CSGALNACT2: variants seen among roughly 807,000 people sequenced by gnomAD.
CSGALNACT2 encodes chondroitin sulfate N-acetylgalactosaminyltransferase 2, also known as beta 4 GalNAcT-2.
CSGALNACT2 carries 35 observed loss-of-function variants against 55.3 expected under a neutral mutation model. That is an observed-to-expected ratio of 0.63 (90% CI 0.48 to 0.84). The LOEUF (loss-of-function observed/expected upper bound fraction) is 0.84. Ranked by LOEUF, CSGALNACT2 falls within the 40% of genes least tolerant of loss-of-function variation. The pLI is 0.00. For missense variants in CSGALNACT2, 544 were observed against 657.5 expected, an observed-to-expected ratio of 0.83 and a Z score of 1.89; for synonymous variants, 196 against 224.9, an observed-to-expected ratio of 0.87 and a Z score of 1.15.
chr10:43,156,217 C>G (rs2133113659), intron 2 of CSGALNACT2, among the ~76,000 whole-genome samples: 1 of 152,244 alleles, frequency 6.6e-6, no homozygotes, highest in East Asian at 1.9e-4. Flanking sequence ...AATTAGTAGA[C>G]TCTTAGCTAT....
chr10:43,167,992 TAGAC>T (rs948825181), intron 6 of CSGALNACT2, among the ~76,000 whole-genome samples: 8 of 30,802 alleles, frequency 2.6e-4, no homozygotes, highest in African/African-American at 1.3e-3. Context: ...AATCATAAAG[TAGAC>T]AGATTTCAGG....
Position 43,154,924 on chromosome 10 carries a change from T to C in CSGALNACT2, c.-226T>C, listed in dbSNP as rs1727998939. ...AAATCACTACCAATATAATGGATTTTATATATCAGATTGCTTTATTCTGGA... is the reference window on the plus strand; with the variant it reads ...AAATCACTACCAATATAATGGATTTCATATATCAGATTGCTTTATTCTGGA... On this transcript the variant is annotated 5_prime_UTR_variant, in exon 2 of 8. Coordinates refer to ENST00000374466, the MANE Select transcript of CSGALNACT2 (RefSeq NM_018590.5). 1 of 513,942 alleles carries C rather than the reference T, an allele frequency of 1.9e-6. No individual in the cohort carries two copies. The highest frequency in any genetic ancestry group is 3.4e-6 in the Non-Finnish European group (1 of 292,054). The allele number at this position is 513,942 out of a possible 1,614,324, so 31.8% of individuals were successfully genotyped here. A position where few individuals can be genotyped will look rare whatever the true frequency, so the allele number is the denominator to read the frequency against.
chr10:43,155,319 A>T lies in CSGALNACT2; in HGVS notation c.170A>T (p.Tyr57Phe). Residue 57 changes from tyrosine (Y) to phenylalanine (F), a missense_variant, in exon 2 of 8, where the codon TAT becomes TTT. Tyr to Phe is a conservative substitution (Grantham distance 22, BLOSUM62 3). Transcript: ENST00000374466. ...GGGGAAAATTATGGTAAAGAGTATT[A>T]TCAAGCCCTCCTACAGGAACAAGAA... ...VVGENYGKEY[Y>F]QALLQEQEEH... 1 of 1,614,208 alleles carries T rather than the reference A, an allele frequency of 6.2e-7. No homozygotes were observed. The highest frequency in any genetic ancestry group is 1.6e-4 in the Middle Eastern group (1 of 6,062).
Position 43,155,069 on chromosome 10 carries a change from T to C in CSGALNACT2, c.-81T>C. On this transcript the variant is annotated 5_prime_UTR_variant, in exon 2 of 8. Transcript: ENST00000374466. The stretch of plus-strand genomic sequence containing the variant: ...TTATTTTATGGAAATTCTGATTTTG[T>C]TTTTAATTTTTGATAACTTTTTACT... The C allele has an allele frequency of 3.4e-6, 4 of 1,179,480 alleles. No homozygotes were observed. The highest frequency in any genetic ancestry group is 4.8e-6 in the Non-Finnish European group (4 of 830,138). The allele number at this position is 1,179,480 out of a possible 1,614,324, so 73.1% of individuals were successfully genotyped here.
At chr10:43,174,872 TC>T (rs1839449318) in intron 6 of CSGALNACT2, among the ~76,000 whole-genome samples, 2 of 152,308 alleles carry the variant, frequency 1.3e-5, no homozygotes, top group Admixed American at 1.3e-4. Flanking sequence ...TAGAACCATA[TC>T]CAAAAGATTA....
chr10:43,182,057 T>C (rs1192932697), intron 7 of CSGALNACT2, among the ~76,000 whole-genome samples: 2 of 150,316 alleles, frequency 1.3e-5, no homozygotes, highest in Admixed American at 6.6e-5. Context: ...TAAATGTCCA[T>C]GAAATCTTCA....
chr10:43,142,567 A>G (rs1838652992), intron 1 of CSGALNACT2, among the ~76,000 whole-genome samples: 1 of 152,224 alleles, frequency 6.6e-6, no homozygotes, highest in South Asian at 2.1e-4. Context: ...AAATTATATG[A>G]AGTTCAAATT....
intron 7 of CSGALNACT2, among the ~76,000 whole-genome samples, chr10:43,182,545 T>TG (rs1839607448): frequency 6.6e-6 from 1 of 152,092 alleles, no homozygotes. Flanking sequence ...TTTTCCACTC[T>TG]GGGGAGTTTT....
chr10:43,149,377 G>A (rs757913144), intron 1 of CSGALNACT2, among the ~76,000 whole-genome samples: 32 of 152,030 alleles, frequency 2.1e-4, no homozygotes, highest in Admixed American at 5.2e-4. Flanking sequence ...GTGAGCCACC[G>A]CACCCAGCCC....
At chr10:43,146,725 G>C (rs2435339) in intron 1 of CSGALNACT2, among the ~76,000 whole-genome samples, 125,362 of 150,866 alleles carry the variant, frequency 0.83, 52,600 homozygotes, top group African/African-American at 0.91. Context: ...AGAGCAAGAT[G>C]CTGTCTTTTT....
chr10:43,180,509 G>A (rs1435754016), intron 7 of CSGALNACT2, among the ~76,000 whole-genome samples: 3 of 152,060 alleles, frequency 2.0e-5, no homozygotes, highest in African/African-American at 7.2e-5. Flanking sequence ...TGTGTTATCT[G>A]CTCTTTCCAT....
intron 6 of CSGALNACT2, among the ~76,000 whole-genome samples, chr10:43,171,864 A>G (rs1839388838): frequency 6.6e-6 from 1 of 152,244 alleles, no homozygotes; most frequent in South Asian, 2.1e-4. Context: ...TTAAAGCTAT[A>G]TTAGAAGTAA....
intron 1 of CSGALNACT2, among the ~76,000 whole-genome samples, chr10:43,144,315 A>G (rs543786291): frequency 6.6e-6 from 1 of 152,338 alleles, no homozygotes; most frequent in Non-Finnish European, 1.5e-5. Context: ...ATTGTGTATA[A>G]TCAAGATTGA....
At chr10:43,166,888 A>G (rs1366837838) in intron 5 of CSGALNACT2, 116 bp from the exon 6 acceptor site, 2 of 578,374 alleles carry the variant, frequency 3.5e-6, no homozygotes, top group East Asian at 3.1e-5. Context: ...CCTGAATATT[A>G]AAAAATAGAT....
chr10:43,146,272 G>C (rs1838745454), intron 1 of CSGALNACT2, among the ~76,000 whole-genome samples: 2 of 151,940 alleles, frequency 1.3e-5, no homozygotes, highest in East Asian at 3.9e-4. Flanking sequence ...AAAACCACTG[G>C]TGTAAGTCCA....
chr10:43,176,061 A>G, intron 7 of CSGALNACT2, 29 bp downstream of exon 7: 2 of 1,515,264 alleles, frequency 1.3e-6, no homozygotes, highest in Middle Eastern at 1.7e-4. Context: ...TAAGGATAGG[A>G]CTTTATTTAC....
chr10:43,163,889 C>G lies in CSGALNACT2; in HGVS notation c.1004C>G (p.Thr335Ser), dbSNP rs1480710034. The G allele has an allele frequency of 1.2e-6, 2 of 1,613,810 alleles. No homozygotes were observed. The highest frequency in any genetic ancestry group is 1.7e-6 in the Non-Finnish European group (2 of 1,179,910). The change falls in exon 5 of 8, where the codon ACC (threonine) becomes AGC (serine). Residue 335 changes from threonine to serine, a missense_variant. Physicochemically the swap from Thr to Ser is moderately conservative, Grantham distance 58. Around this residue, in one of 2 missense-constraint regions of CSGALNACT2, gnomAD observed 374 missense variants for 401.3 expected, o/e 0.93. Transcript: ENST00000374466. ...VTSESNFHNY[T>S]LVSLNEEFNR... The stretch of plus-strand genomic sequence containing the variant: ...AGTGAGTCTAATTTTCACAATTACA[C>G]CTTGGTCTCATTGAATGAAGAATTT...
chr10:43,142,026 A>G (rs1233373545), intron 1 of CSGALNACT2, among the ~76,000 whole-genome samples: 1 of 152,168 alleles, frequency 6.6e-6, no homozygotes, highest in Non-Finnish European at 1.5e-5. Context: ...GTGTGCCCTT[A>G]TATGTTGTTT....
intron 3 of CSGALNACT2, among the ~76,000 whole-genome samples, chr10:43,159,148 C>T (rs1230318141): frequency 6.6e-6 from 1 of 151,940 alleles, no homozygotes; most frequent in Non-Finnish European, 1.5e-5. Flanking sequence ...AGAGTGACAC[C>T]TATTAGAAAC....
Sources: allele counts gnomAD v4.1 joint callset (sites outside exome capture counted in the v4.1 genomes callset), GRCh38; gene constraint gnomAD v4.1.1; regional missense constraint gnomAD v4.1.1; transcripts MANE v1.5; gene names NCBI Gene and HGNC (gene_info 2026-07-23, HGNC 2026-07-21).